DPH6: variants seen among roughly 807,000 people sequenced by gnomAD.
DPH6 encodes diphthine--ammonia ligase.
Under a neutral mutation model 38.2 loss-of-function variants are expected in DPH6, and 33 were observed. The observed-to-expected ratio is 0.86, with a 90% CI of 0.65 to 1.15. The LOEUF is 1.15. Ranked by LOEUF, DPH6 falls within the 50% of genes most tolerant of loss-of-function variation. DPH6 has a pLI of 0.00. For synonymous variants in DPH6, 108 were observed against 103.0 expected, an observed-to-expected ratio of 1.05 and a Z score of -0.30; for missense variants, 325 against 320.0, an observed-to-expected ratio of 1.02 and a Z score of -0.12.
chr15:35,409,107 A>C (rs2053332001), intron 6 of DPH6, among the ~76,000 whole-genome samples: 1 of 151,926 alleles, frequency 6.6e-6, no homozygotes, highest in Non-Finnish European at 1.5e-5. Context: ...GGCCTCAGCC[A>C]TATAAATAGG....
chr15:35,400,619 T>C (rs2053204723), intron 6 of DPH6: 1 of 491,056 alleles, frequency 2.0e-6, no homozygotes, highest in East Asian at 3.5e-5. Context: ...TTTAAAATAT[T>C]ACAAAATTAG....
At chr15:35,475,168 G>A (rs1471259338) in intron 3 of DPH6, among the ~76,000 whole-genome samples, 2 of 152,010 alleles carry the variant, frequency 1.3e-5, no homozygotes, top group Non-Finnish European at 2.9e-5. Flanking sequence ...ATAGAGAGAG[G>A]AAGGAGAGTA....
At chr15:35,163,094 A>C in the DPH6 span, among the ~76,000 whole-genome samples, 1 of 151,934 alleles carries the variant, frequency 6.6e-6, no homozygotes, top group African/African-American at 2.4e-5. Flanking sequence ...AAGGTGAAAG[A>C]CGTTGGTTCT....
intron 3 of DPH6, chr15:35,237,876 A>C: frequency 6.8e-7 from 1 of 1,473,150 alleles, no homozygotes; most frequent in Non-Finnish European, 9.5e-7. Flanking sequence ...GAAGATGCTC[A>C]GGTAGTGGAG....
At chr15:35,398,365 C>T (rs2053173562) in intron 6 of DPH6, among the ~76,000 whole-genome samples, 1 of 152,142 alleles carries the variant, frequency 6.6e-6, no homozygotes, top group Admixed American at 6.5e-5. Context: ...TATCCCCTAG[C>T]TACCTGGAAA....
intron 7 of DPH6, among the ~76,000 whole-genome samples, chr15:35,376,182 G>A (rs1187719292): frequency 6.6e-6 from 1 of 151,970 alleles, no homozygotes; most frequent in African/African-American, 2.4e-5. Context: ...GTTCATCTTT[G>A]TCTGCCTGTC....
At chr15:35,179,565 GA>G in the DPH6 span, among the ~76,000 whole-genome samples, 12 of 152,116 alleles carry the variant, frequency 7.9e-5, no homozygotes, top group African/African-American at 2.4e-4. Context: ...TCAAAGACTA[GA>G]AGCCTTTAAA....
At chr15:35,206,695 C>T in the DPH6 span, among the ~76,000 whole-genome samples, 1 of 152,208 alleles carries the variant, frequency 6.6e-6, no homozygotes, top group Non-Finnish European at 1.5e-5. Context: ...GCTAAATTCA[C>T]ACACTGATAT....
chr15:35,442,269 T>G (rs1392392111), intron 5 of DPH6, among the ~76,000 whole-genome samples: 1 of 152,164 alleles, frequency 6.6e-6, no homozygotes, highest in Non-Finnish European at 1.5e-5. Flanking sequence ...AATAAATGCA[T>G]GAGAAGATGG....
chr15:35,226,317 C>T (rs1478401728), intron 3 of DPH6, among the ~76,000 whole-genome samples: 1 of 152,048 alleles, frequency 6.6e-6, no homozygotes, highest in African/African-American at 2.4e-5. Context: ...TGCTTTTCCC[C>T]TTATACTAAT....
intron 3 of DPH6, among the ~76,000 whole-genome samples, chr15:35,337,978 T>TA (rs1304925639): frequency 2.0e-5 from 3 of 151,522 alleles, no homozygotes; most frequent in Non-Finnish European, 3.0e-5. Context: ...TGGCTAGCCA[T>TA]TGTAGAAAGC....
chr15:35,291,666 G>A (rs1461854408), intron 3 of DPH6, among the ~76,000 whole-genome samples: 6 of 151,976 alleles, frequency 3.9e-5, no homozygotes, highest in African/African-American at 9.7e-5. Context: ...AATTTTCCAG[G>A]ATTTACTTCC....
chr15:35,400,606 C>T, intron 6 of DPH6: 1 of 456,656 alleles, frequency 2.2e-6, no homozygotes. Flanking sequence ...CCTTGACTAA[C>T]ATTTTAAAAT....
At chr15:35,444,631 A>G (rs1354395425) in intron 5 of DPH6, among the ~76,000 whole-genome samples, 1 of 152,216 alleles carries the variant, frequency 6.6e-6, no homozygotes, top group Non-Finnish European at 1.5e-5. Context: ...TGGAATATTT[A>G]AAAGTCTTTC....
chr15:35,487,625 C>T (rs1413981198), intron 3 of DPH6, among the ~76,000 whole-genome samples: 2 of 152,232 alleles, frequency 1.3e-5, no homozygotes, highest in Non-Finnish European at 2.9e-5. Flanking sequence ...AACCATTTTT[C>T]CCTCCTCGGC....
intron 6 of DPH6, among the ~76,000 whole-genome samples, chr15:35,399,538 G>A (rs373359204): frequency 2.0e-5 from 3 of 152,116 alleles, no homozygotes; most frequent in African/African-American, 7.2e-5. Context: ...TATTATTCCT[G>A]TTCCAGCACA....
intron 3 of DPH6, among the ~76,000 whole-genome samples, chr15:35,310,736 T>C (rs965613817): frequency 6.6e-6 from 1 of 152,086 alleles, no homozygotes. Context: ...GTACCTTCTT[T>C]AATGCTCACT....
intron 5 of DPH6, among the ~76,000 whole-genome samples, chr15:35,432,126 T>C (rs1026129983): frequency 6.6e-6 from 1 of 152,090 alleles, no homozygotes; most frequent in African/African-American, 2.4e-5. Flanking sequence ...TGTAATGCTA[T>C]AAAGGTGGAT....
the DPH6 span, among the ~76,000 whole-genome samples, chr15:35,170,500 T>C: frequency 1.8e-4 from 28 of 152,170 alleles, no homozygotes; most frequent in Non-Finnish European, 1.0e-4. Flanking sequence ...AAGCCAGATT[T>C]ACATTGGGGT....
Sources: allele counts gnomAD v4.1 joint callset (sites outside exome capture counted in the v4.1 genomes callset), GRCh38; gene constraint gnomAD v4.1.1; transcripts MANE v1.5; gene names NCBI Gene and HGNC (gene_info 2026-07-23, HGNC 2026-07-21).